Variants in FOXP2 observed in about 807,000 individuals in gnomAD.
FOXP2 encodes the protein forkhead box protein P2.
Under a neutral mutation model 115.8 loss-of-function variants are expected in FOXP2, and 12 were observed. The observed-to-expected ratio is 0.10, with a 90% CI of 0.07 to 0.17. The LOEUF (loss-of-function observed/expected upper bound fraction) is 0.17, where lower values mean the gene tolerates loss of function less well. Ranked by LOEUF, FOXP2 falls within the 10% of genes least tolerant of loss-of-function variation. The pLI, the probability that FOXP2 is intolerant of heterozygous loss-of-function variation, is 1.00. For missense variants in FOXP2, 629 were observed against 843.5 expected (o/e 0.75, Z 3.15); for synonymous variants, 328 against 297.7 (o/e 1.10, Z -1.05).
chr7:114,668,843 C>G (rs568331453), intron 16 of FOXP2: 4 of 152,174 alleles, frequency 2.6e-5, no homozygotes, highest in Middle Eastern at 6.8e-3. Flanking sequence ...TATGAAGAAT[C>G]AAATTGGAGA....
chr7:114,100,098 A>G (rs1406153109), intron 1 of FOXP2, among the ~76,000 whole-genome samples: 2 of 152,186 alleles, frequency 1.3e-5, no homozygotes, highest in Non-Finnish European at 2.9e-5. Context: ...GTAATGTCTA[A>G]TATTTGAAAA....
At chr7:114,142,787 G>A (rs561337726) in intron 1 of FOXP2, among the ~76,000 whole-genome samples, 1 of 151,460 alleles carries the variant, frequency 6.6e-6, no homozygotes, top group East Asian at 1.9e-4. Flanking sequence ...TGCTATTAAG[G>A]AAAAAGAAGA....
At chr7:114,178,078 T>C (rs893862993) in intron 1 of FOXP2, among the ~76,000 whole-genome samples, 9 of 151,996 alleles carry the variant, frequency 5.9e-5, no homozygotes, top group Non-Finnish European at 1.3e-4. Context: ...TAAAGTGTAA[T>C]GATGCCTCTC....
At chr7:114,240,661 T>C (rs1795129025) in intron 1 of FOXP2, among the ~76,000 whole-genome samples, 1 of 152,036 alleles carries the variant, frequency 6.6e-6, no homozygotes, top group Non-Finnish European at 1.5e-5. Context: ...ACATCTAACA[T>C]ATCTAGTTTT....
intron 1 of FOXP2, among the ~76,000 whole-genome samples, chr7:114,146,355 T>C (rs1417871548): frequency 1.3e-5 from 2 of 152,228 alleles, no homozygotes; most frequent in Admixed American, 6.5e-5. Context: ...TATGACCCCG[T>C]TCGCTAGTAA....
At chr7:114,515,237 A>G (rs1251242441) in intron 2 of FOXP2, among the ~76,000 whole-genome samples, 4 of 150,044 alleles carry the variant, frequency 2.7e-5, no homozygotes, top group Non-Finnish European at 4.4e-5. Flanking sequence ...ATACCCAGTA[A>G]TGGGATGGCT....
intron 1 of FOXP2, among the ~76,000 whole-genome samples, chr7:114,132,055 C>A (rs1290340649): frequency 6.6e-6 from 1 of 152,044 alleles, no homozygotes; most frequent in Non-Finnish European, 1.5e-5. Context: ...CAAAAAAACG[C>A]TTTGTTAAAC....
At chr7:114,523,006 T>C (rs1218375766) in intron 2 of FOXP2, among the ~76,000 whole-genome samples, 3 of 151,834 alleles carry the variant, frequency 2.0e-5, no homozygotes, top group Non-Finnish European at 4.4e-5. Flanking sequence ...GATCTAAATA[T>C]AAATGCATTT....
chr7:114,297,492 C>T, intron 2 of FOXP2: 1 of 311,102 alleles, frequency 3.2e-6, no homozygotes, highest in South Asian at 4.6e-5. Flanking sequence ...CTCTAAGTGC[C>T]CAATAGTCCA....
chr7:114,130,401 A>G (rs1435473454), intron 1 of FOXP2, among the ~76,000 whole-genome samples: 1 of 152,196 alleles, frequency 6.6e-6, no homozygotes, highest in Non-Finnish European at 1.5e-5. Flanking sequence ...TGAGTGTGCT[A>G]TTTTGTACAT....
At chr7:114,307,770 G>C (rs752152989) in intron 2 of FOXP2, among the ~76,000 whole-genome samples, 1 of 152,104 alleles carries the variant, frequency 6.6e-6, no homozygotes, top group African/African-American at 2.4e-5. Flanking sequence ...ATACATATTG[G>C]CATTGGGGGT....
intron 2 of FOXP2, chr7:114,288,133 T>A: frequency 2.2e-6 from 1 of 451,456 alleles, no homozygotes; most frequent in Non-Finnish European, 4.4e-6. Context: ...TGGTAAAAAT[T>A]CTCCTTTGGT....
At chr7:114,442,324 A>T (rs1348491410) in intron 2 of FOXP2, among the ~76,000 whole-genome samples, 1 of 151,430 alleles carries the variant, frequency 6.6e-6, no homozygotes, top group Non-Finnish European at 1.5e-5. Flanking sequence ...AAGAAGGAGC[A>T]GTATCTGCAA....
chr7:114,092,541 T>A (rs1050362625), intron 1 of FOXP2, among the ~76,000 whole-genome samples: 44 of 152,236 alleles, frequency 2.9e-4, no homozygotes, highest in Non-Finnish European at 4.0e-4. Flanking sequence ...AAAAAAACTT[T>A]CTTAAAATGT....
chr7:114,140,199 A>T (rs1792167255), intron 1 of FOXP2, among the ~76,000 whole-genome samples: 1 of 152,184 alleles, frequency 6.6e-6, no homozygotes, highest in African/African-American at 2.4e-5. Flanking sequence ...TCCACCTAGA[A>T]ATAGTATAAA....
chr7:114,363,181 C>T (rs1791793029), intron 2 of FOXP2, among the ~76,000 whole-genome samples: 1 of 152,034 alleles, frequency 6.6e-6, no homozygotes, highest in South Asian at 2.1e-4. Context: ...CTTTTATATG[C>T]AAAGCACTTG....
chr7:114,174,554 A>G (rs1793236038), intron 1 of FOXP2, among the ~76,000 whole-genome samples: 1 of 152,058 alleles, frequency 6.6e-6, no homozygotes, highest in South Asian at 2.1e-4. Context: ...AATTCACAGA[A>G]TAATATACTG....
intron 3 of FOXP2, among the ~76,000 whole-genome samples, chr7:114,547,302 ATT>A (rs2129284616): frequency 1.3e-5 from 2 of 152,234 alleles, no homozygotes; most frequent in South Asian, 4.1e-4. Context: ...TTATACACAC[ATT>A]GTTTGCTTAC....
intron 3 of FOXP2, among the ~76,000 whole-genome samples, chr7:114,627,387 G>T (rs1804649297): frequency 6.6e-6 from 1 of 151,818 alleles, no homozygotes; most frequent in African/African-American, 2.4e-5. Context: ...GTTTTTTCTA[G>T]GAAAGTGATT....
Sources: allele counts gnomAD v4.1 joint callset (sites outside exome capture counted in the v4.1 genomes callset), GRCh38; gene constraint gnomAD v4.1.1; transcripts MANE v1.5; gene names NCBI Gene and HGNC (gene_info 2026-07-23, HGNC 2026-07-21).